PTPRD: variants seen among roughly 807,000 people sequenced by gnomAD.
The protein encoded by PTPRD is protein tyrosine phosphatase receptor type D.
Under a neutral mutation model 214.5 loss-of-function variants are expected in PTPRD, and 34 were observed. That is an observed-to-expected ratio of 0.16 (90% CI 0.12 to 0.21). The LOEUF is 0.21. Among genes scored for constraint, PTPRD ranks in the 10% least tolerant of loss-of-function variants. PTPRD has a pLI of 1.00. For missense variants in PTPRD, 2,545 were observed against 2,398.7 expected, an observed-to-expected ratio of 1.06 and a Z score of -1.27; for synonymous variants, 1,128 against 845.7, an observed-to-expected ratio of 1.33 and a Z score of -5.79.
intron 12 of PTPRD, chr9:8,700,624 A>C (rs541523469): frequency 6.6e-6 from 1 of 152,360 alleles, no homozygotes; most frequent in South Asian, 2.1e-4. Flanking sequence ...CCAGAAGCAC[A>C]CAAAAGAGAA....
At chr9:9,014,689 G>T (rs981773041) in intron 11 of PTPRD, among the ~76,000 whole-genome samples, 2 of 152,112 alleles carry the variant, frequency 1.3e-5, no homozygotes, top group Non-Finnish European at 2.9e-5. Flanking sequence ...TGAGGAAGGA[G>T]AAATCTATAT....
At chr9:10,071,151 G>C (rs947573207) in intron 3 of PTPRD, among the ~76,000 whole-genome samples, 1 of 151,994 alleles carries the variant, frequency 6.6e-6, no homozygotes, top group Non-Finnish European at 1.5e-5. Flanking sequence ...CATGATTACA[G>C]ATTGGAAGAC....
intron 7 of PTPRD, among the ~76,000 whole-genome samples, chr9:9,700,449 G>A (rs1595553852): frequency 2.0e-5 from 3 of 152,022 alleles, no homozygotes; most frequent in South Asian, 4.1e-4. Context: ...GAGTTGAGAT[G>A]TGTAAGGCAC....
chr9:8,628,530 A>T (rs1026288795), intron 14 of PTPRD, among the ~76,000 whole-genome samples: 1 of 151,420 alleles, frequency 6.6e-6, no homozygotes, highest in Admixed American at 6.6e-5. Flanking sequence ...TGAAATAGGC[A>T]TGTCAATGAA....
At chr9:8,660,218 T>C (rs2097011433) in intron 12 of PTPRD, among the ~76,000 whole-genome samples, 1 of 151,430 alleles carries the variant, frequency 6.6e-6, no homozygotes, top group South Asian at 2.1e-4. Context: ...CACAGGCACA[T>C]ATCCTATAGA....
chr9:9,840,514 G>C (rs1214680606), intron 5 of PTPRD, among the ~76,000 whole-genome samples: 1 of 151,912 alleles, frequency 6.6e-6, no homozygotes, highest in East Asian at 1.9e-4. Flanking sequence ...CTTACATTAT[G>C]TTTGGTCATT....
intron 10 of PTPRD, among the ~76,000 whole-genome samples, chr9:9,082,803 T>A (rs933352641): frequency 3.9e-5 from 6 of 152,020 alleles, no homozygotes; most frequent in African/African-American, 1.2e-4. Flanking sequence ...CATTCATAAT[T>A]GCTACAAAAA....
chr9:9,851,262 G>C lies in PTPRD; in HGVS notation c.-367-84411C>G, dbSNP rs1315975470. 3.3e-5 allele frequency among the ~76,000 whole-genome samples: 5 copies of C among 152,340 alleles called. No individual in the cohort carries two copies. The Middle Eastern group carries it at 0.014, about 415-fold the overall frequency. ...TGTCTCTGAGTGAAACTTGTCTCCT[G>C]AGGGTTAATGCAGTATCGTATTGCT... On this transcript the variant is annotated intron_variant, in intron 5 of 45. Coordinates refer to ENST00000381196, the MANE Select transcript of PTPRD (RefSeq NM_002839.4).
chr9:9,561,539 G>C (rs1204889099), intron 8 of PTPRD, among the ~76,000 whole-genome samples: 1 of 152,092 alleles, frequency 6.6e-6, no homozygotes, highest in Admixed American at 6.5e-5. Flanking sequence ...GGTAAAATTA[G>C]ATTTTCACAA....
chr9:8,407,393 T>C (rs558270008), intron 35 of PTPRD, among the ~76,000 whole-genome samples: 1 of 152,314 alleles, frequency 6.6e-6, no homozygotes, highest in African/African-American at 2.4e-5. Context: ...CGTGACAGGC[T>C]CTGTGCTACT....
intron 5 of PTPRD, among the ~76,000 whole-genome samples, chr9:9,791,713 T>A (rs1391029434): frequency 6.6e-6 from 1 of 152,182 alleles, no homozygotes; most frequent in Non-Finnish European, 1.5e-5. Flanking sequence ...TTACCAACAG[T>A]CTTTCCTTTT....
chr9:10,564,903 CCTGT>C (rs1405041559), intron 2 of PTPRD, among the ~76,000 whole-genome samples: 1 of 152,030 alleles, frequency 6.6e-6, no homozygotes, highest in East Asian at 1.9e-4. Flanking sequence ...TAATTAATAA[CCTGT>C]CTAACTTCAT....
At chr9:9,701,649 T>G (rs1002783990) in intron 7 of PTPRD, among the ~76,000 whole-genome samples, 1 of 152,056 alleles carries the variant, frequency 6.6e-6, no homozygotes, top group Non-Finnish European at 1.5e-5. Flanking sequence ...CAGAGGAAAA[T>G]AGACAGTACT....
intron 9 of PTPRD, among the ~76,000 whole-genome samples, chr9:9,209,293 C>T (rs963671991): frequency 6.6e-6 from 1 of 152,060 alleles, no homozygotes. Flanking sequence ...GGTCAAACAC[C>T]TGTGTTTCCT....
At chr9:9,859,353 T>C (rs1462646982) in intron 5 of PTPRD, among the ~76,000 whole-genome samples, 1 of 152,218 alleles carries the variant, frequency 6.6e-6, no homozygotes, top group Non-Finnish European at 1.5e-5. Context: ...TCCTGGACTA[T>C]TGGTGTTGAG....
chr9:10,019,620 C>A lies in PTPRD; in HGVS notation c.-472+14098G>T, dbSNP rs1443910576. Among the ~76,000 whole-genome samples, 41 of 152,124 alleles carry A rather than the reference C, an allele frequency of 2.7e-4. 1 individual carries two copies. ...TCATAAAAAAGGATGAGTTCATGTC[C>A]TTTGTAGGGACATGGATGAAGCTGG... On this transcript the variant is annotated intron_variant, in intron 4 of 45. Transcript: ENST00000381196.
chr9:9,870,184 A>C (rs1433417080), intron 5 of PTPRD, among the ~76,000 whole-genome samples: 1 of 152,066 alleles, frequency 6.6e-6, no homozygotes, highest in African/African-American at 2.4e-5. Flanking sequence ...GGGTTCATGG[A>C]GACTACTTAT....
chr9:10,122,090 C>A (rs2098780369), intron 3 of PTPRD, among the ~76,000 whole-genome samples: 1 of 152,146 alleles, frequency 6.6e-6, no homozygotes, highest in African/African-American at 2.4e-5. Context: ...GGTGGATCAC[C>A]TGAGGTCAGG....
At chr9:9,366,392 A>T (rs2057899130) in intron 9 of PTPRD, among the ~76,000 whole-genome samples, 1 of 151,546 alleles carries the variant, frequency 6.6e-6, no homozygotes, top group Non-Finnish European at 1.5e-5. Context: ...AGAGTAGGTC[A>T]CCTGTGGACA....
Sources: gnomAD v4.1 joint callset for allele counts (sites outside exome capture counted in the v4.1 genomes callset) on GRCh38, gnomAD v4.1.1 for gene constraint, MANE v1.5 for transcripts, NCBI Gene and HGNC (gene_info 2026-07-23, HGNC 2026-07-21) for gene names.